Variants in COPS7B observed in about 807,000 individuals in gnomAD.
COPS7B encodes the protein COP9 signalosome subunit 7B.
In COPS7B, 9 loss-of-function variants were observed where a neutral mutation model predicts 33.4. The observed-to-expected ratio is 0.27, with a 90% CI of 0.16 to 0.47. The LOEUF (loss-of-function observed/expected upper bound fraction) is 0.47. Among genes scored for constraint, COPS7B ranks in the 20% least tolerant of loss-of-function variants. The pLI, the probability that COPS7B is intolerant of heterozygous loss-of-function variation, is 0.99. For missense variants in COPS7B, 242 were observed against 318.2 expected (o/e 0.76, Z 1.82); for synonymous variants, 119 against 126.3 (o/e 0.94, Z 0.39).
chr2:231,799,099 G>A (rs1304264963), intron 6 of COPS7B, 135 bp downstream of exon 6: 4 of 720,042 alleles, frequency 5.6e-6, no homozygotes, highest in Non-Finnish European at 9.6e-6. Context: ...TGGGCTAGGT[G>A]CTGGGTTACA....
intron 6 of COPS7B, among the ~76,000 whole-genome samples, chr2:231,807,119 A>G (rs2049916659): frequency 6.6e-6 from 1 of 152,242 alleles, no homozygotes; most frequent in Non-Finnish European, 1.5e-5. Flanking sequence ...CTGTATTCCC[A>G]AAGTTTTTAT....
intron 6 of COPS7B, among the ~76,000 whole-genome samples, chr2:231,806,899 A>G (rs767385101): frequency 8.5e-5 from 13 of 152,370 alleles, no homozygotes; most frequent in East Asian, 5.8e-4. Flanking sequence ...ATAGGGTTCA[A>G]GTGTCACAGA....
At chr2:231,785,457 T>G (rs556847871), upstream of COPS7B, among the ~76,000 whole-genome samples, 29 of 152,306 alleles carry the variant, frequency 1.9e-4, no homozygotes, top group African/African-American at 7.0e-4. Context: ...TTTTGTCTGT[T>G]TTTTTCTTCC....
At chr2:231,802,781 G>A (rs959293829) in intron 6 of COPS7B, among the ~76,000 whole-genome samples, 2 of 152,264 alleles carry the variant, frequency 1.3e-5, no homozygotes, top group African/African-American at 4.8e-5. Context: ...GAAGAAGCTA[G>A]TTGAATTTTA....
intron 3 of COPS7B, among the ~76,000 whole-genome samples, chr2:231,792,444 A>G (rs2049444645): frequency 6.6e-6 from 1 of 152,180 alleles, no homozygotes; most frequent in Admixed American, 6.5e-5. Context: ...GTAAGCTGAG[A>G]TTGCACCGCT....
chr2:231,781,826 G>A (rs2049138122), upstream of COPS7B: 1 of 1,550,736 alleles, frequency 6.4e-7, no homozygotes, highest in African/African-American at 1.4e-5. Flanking sequence ...AAAAGAAGAT[G>A]ACAGCCCGCA....
chr2:231,786,688 G>T, intron 1 of COPS7B, 150 bp downstream of exon 1: 1 of 208,176 alleles, frequency 4.8e-6, no homozygotes, highest in Non-Finnish European at 8.4e-6. Context: ...CTCACTCCAC[G>T]CCTGCGGCCC....
At chr2:231,791,555 T>C (rs530433649) in intron 2 of COPS7B, 178 bp from the exon 3 acceptor site, 2 of 580,838 alleles carry the variant, frequency 3.4e-6, no homozygotes, top group South Asian at 2.2e-5. Flanking sequence ...GCTTTAATAA[T>C]CTTGTTTATT....
rs543816090 is a variant in COPS7B, at chr2:231,808,798, GGTGTGTGTGTGTGTGTGTGTGTGT to G, written c.*1174_*1197del. 2.6e-5 allele frequency: 2 copies of G among 75,772 alleles called. No homozygotes were observed. The highest frequency in any genetic ancestry group is 4.6e-5 in the Non-Finnish European group (2 of 43,022). 4.7% of individuals were successfully genotyped at this position (75,772 alleles called of 1,614,324 possible). On this transcript the variant is annotated 3_prime_UTR_variant, in exon 7 of 7. Coordinates refer to ENST00000350033, the MANE Select transcript of COPS7B (RefSeq NM_022730.4). ...TGGTTGGAGGGTGGGGGTGGGGTGG[GGTGTGTGTGTGTGTGTGTGTGTGT>G]GTGTGTGTGTGTGTGTGTGTTTGTA...
Position 231,796,090 on chromosome 2 carries a change from A to T in COPS7B, c.328-16A>T. The T allele has an allele frequency of 6.2e-7, 1 of 1,609,098 alleles. No individual in the cohort carries two copies. Among genetic ancestry groups the T allele is most frequent in the South Asian group, 1.1e-5 (1 of 90,912 alleles). ...GCCAGATGGTTTTTATAATGATCACATGGCCTTATCTACAGTGTATCCCCT... is the reference window on the plus strand; with the variant it reads ...GCCAGATGGTTTTTATAATGATCACTTGGCCTTATCTACAGTGTATCCCCT... On this transcript the variant is annotated splice_polypyrimidine_tract_variant and intron_variant, in intron 4 of 6. Coordinates refer to ENST00000350033, the MANE Select transcript of COPS7B (RefSeq NM_022730.4).
intron 5 of COPS7B, 32 bp from the exon 6 acceptor site, chr2:231,798,827 C>G: frequency 6.3e-7 from 1 of 1,579,166 alleles, no homozygotes; most frequent in East Asian, 2.2e-5. Flanking sequence ...CCAGGCCATT[C>G]TGCAGCTCAG....
Position 231,807,822 on chromosome 2 carries a change from C to G in COPS7B, c.*177C>G, listed in dbSNP as rs2049940290. On this transcript the variant is annotated 3_prime_UTR_variant, in exon 7 of 7. Transcript: ENST00000350033. ...AAACTGTTACTCCCCCTCACCCACT[C>G]CCTCCTTCCCCAGTTGTTCCCTTCA... is the stretch of plus-strand genomic sequence containing the variant. The G allele has an allele frequency of 1.8e-6, 1 of 564,780 alleles. No individual in the cohort carries two copies. The highest frequency in any genetic ancestry group is 3.1e-6 in the Non-Finnish European group (1 of 325,364). 35.0% of individuals were successfully genotyped at this position (564,780 alleles called of 1,614,324 possible).
At chr2:231,792,847 C>T (rs2049457227) in intron 3 of COPS7B, among the ~76,000 whole-genome samples, 2 of 152,142 alleles carry the variant, frequency 1.3e-5, no homozygotes, top group African/African-American at 4.8e-5. Context: ...ATGACTGTAG[C>T]CTGATACTCA....
chr2:231,801,134 A>G, intron 6 of COPS7B: 2 of 1,550,424 alleles, frequency 1.3e-6, no homozygotes, highest in Non-Finnish European at 1.7e-6. Context: ...TTTGTCCTTA[A>G]ATTAGATTGC....
In COPS7B at chr2:231,788,655, G is replaced by T. The variant is rs537984579; in HGVS notation, c.85G>T (p.Ala29Ser). Reference protein sequence around the residue: ...AKGTSGSALTALISQVLEAPG... With the variant: ...AKGTSGSALTSLISQVLEAPG... The stretch of plus-strand genomic sequence containing the variant: ...AGGTACCAGTGGCTCAGCCCTCACT[G>T]CTCTCATAAGCCAGGTCTTAGAGGC... Residue 29 changes from alanine (A) to serine (S), a missense_variant, in exon 2 of 7, where the codon GCT (alanine) becomes TCT (serine). Ala to Ser is a moderately conservative substitution (Grantham distance 99). Coordinates refer to ENST00000350033, the MANE Select transcript of COPS7B (RefSeq NM_022730.4). The T allele has an allele frequency of 6.2e-7, 1 of 1,614,178 alleles. No individual in the cohort carries two copies. Among genetic ancestry groups the T allele is most frequent in the South Asian group, 1.1e-5 (1 of 91,084 alleles).
At chr2:231,791,854 C>G (rs766250352) in intron 3 of COPS7B, 46 bp downstream of exon 3, 2 of 1,534,512 alleles carry the variant, frequency 1.3e-6, no homozygotes, top group South Asian at 2.2e-5. Context: ...AATTATGTTG[C>G]TCAGTTTGGA....
Position 231,807,818 on chromosome 2 carries a change from C to A in COPS7B, c.*173C>A. On this transcript the variant is annotated 3_prime_UTR_variant, in exon 7 of 7. Coordinates refer to ENST00000350033, the MANE Select transcript of COPS7B (RefSeq NM_022730.4). ...AGAAAAACTGTTACTCCCCCTCACC[C>A]ACTCCCTCCTTCCCCAGTTGTTCCC... 1.7e-6 allele frequency: 1 copy of A among 578,156 alleles called. No individual in the cohort carries two copies. The highest frequency in any genetic ancestry group is 3.0e-6 in the Non-Finnish European group (1 of 334,718). The allele number at this position is 578,156 out of a possible 1,614,324, so 35.8% of individuals were successfully genotyped here.
chr2:231,808,161 G>T lies in COPS7B; in HGVS notation c.*516G>T, dbSNP rs760394213. On this transcript the variant is annotated 3_prime_UTR_variant, in exon 7 of 7. Transcript: ENST00000350033. The stretch of plus-strand genomic sequence containing the variant: ...CTTTCCCTCTCCTGCCTCATCCCTT[G>T]TTGGCAGCTCCAGTTCAGGCCGTGG... The T allele has an allele frequency of 7.2e-6, 2 of 276,660 alleles. No individual in the cohort carries two copies. Among genetic ancestry groups the T allele is most frequent in the Non-Finnish European group, 1.4e-5 (2 of 140,278 alleles). 17.1% of individuals were successfully genotyped at this position (276,660 alleles called of 1,614,324 possible).
intron 2 of COPS7B, chr2:231,791,141 C>T (rs1387282643): frequency 6.5e-6 from 1 of 154,722 alleles, no homozygotes; most frequent in African/African-American, 2.4e-5. Flanking sequence ...TTTTCTTCTA[C>T]ACATGGCTTT....
Sources: gnomAD v4.1 joint callset for allele counts (sites outside exome capture counted in the v4.1 genomes callset) on GRCh38, gnomAD v4.1.1 for gene constraint, MANE v1.5 for transcripts, NCBI Gene and HGNC (gene_info 2026-07-23, HGNC 2026-07-21) for gene names.